Variants in FAXC observed in about 807,000 individuals in gnomAD.
FAXC encodes the protein failed axon connections homolog.
In FAXC, 10 loss-of-function variants were observed where a neutral mutation model predicts 41.9. The ratio of observed to expected loss-of-function variants is 0.24; its 90% CI spans 0.15 to 0.41. FAXC has a LOEUF of 0.41. Ranked by LOEUF, FAXC falls within the 10% of genes least tolerant of loss-of-function variation. The pLI is 1.00. For synonymous variants in FAXC, 183 were observed against 183.8 expected (o/e 1.00, Z 0.03); for missense variants, 399 against 510.9 (o/e 0.78, Z 2.11).
At chr6:99,335,106 C>T (rs1331212164) in intron 2 of FAXC, among the ~76,000 whole-genome samples, 1 of 152,322 alleles carries the variant, frequency 6.6e-6, no homozygotes, top group Admixed American at 6.5e-5. Flanking sequence ...CTCTGTGCTT[C>T]CACTGTATGG....
rs752302763 is a variant in FAXC, at chr6:99,273,597, C to T, written c.*7567G>A. 44 of 150,524 alleles carry T rather than the reference C, an allele frequency of 2.9e-4. No homozygotes were observed. The highest frequency in any genetic ancestry group is 5.6e-4 in the Non-Finnish European group (38 of 67,756). The allele number at this position is 150,524 out of a possible 1,614,324, so 9.3% of individuals were successfully genotyped here. On this transcript the variant is annotated 3_prime_UTR_variant, in exon 6 of 6. Coordinates refer to ENST00000389677, the MANE Select transcript of FAXC (RefSeq NM_032511.4). ...GTCTTAAAGGTGACATCAAATTGTT[C>T]ATCCTTCTCTTTCCCAACCAAAAAT...
At chr6:99,283,536 T>C (rs901553624) in intron 5 of FAXC, among the ~76,000 whole-genome samples, 1 of 152,152 alleles carries the variant, frequency 6.6e-6, no homozygotes, top group East Asian at 1.9e-4. Context: ...ACCCCCACTA[T>C]GTAAAAATCT....
At position 99,349,117 on chromosome 6, in the gene FAXC, G is replaced by T; in HGVS notation, c.256C>A (p.Leu86Met). ...AAAAYLLHEL[L>M]VIRKQQEIDS... Reference sequence around the variant, plus strand: ...CTCTCTCCGGCTCACCTAATGACCAGGAGTTCGTGGAGCAGATACGCAGCT... The same window carrying T: ...CTCTCTCCGGCTCACCTAATGACCATGAGTTCGTGGAGCAGATACGCAGCT... The change falls in exon 1 of 6, where the codon CTG (leucine) becomes ATG (methionine). Residue 86 changes from leucine (L) to methionine (M), a missense_variant. Leu to Met is a conservative substitution (Grantham distance 15). Around this residue, in one of 3 missense-constraint regions of FAXC, gnomAD observed 239 missense variants for 352.7 expected, o/e 0.68. Transcript: ENST00000389677. 4 of 1,613,558 alleles carry T rather than the reference G, an allele frequency of 2.5e-6. No homozygotes were observed. Among genetic ancestry groups the T allele is most frequent in the Non-Finnish European group, 3.4e-6 (4 of 1,179,958 alleles).
chr6:99,345,707 G>A (rs1289441660), intron 1 of FAXC, among the ~76,000 whole-genome samples: 1 of 152,138 alleles, frequency 6.6e-6, no homozygotes, highest in Non-Finnish European at 1.5e-5. Flanking sequence ...ATGTTGATTC[G>A]CCAACTAAAT....
intron 5 of FAXC, among the ~76,000 whole-genome samples, chr6:99,282,921 C>T (rs1226235266): frequency 6.6e-6 from 1 of 152,196 alleles, no homozygotes; most frequent in East Asian, 1.9e-4. Flanking sequence ...TTTACATGTG[C>T]TATATAGGAT....
intron 2 of FAXC, 63 bp downstream of exon 2, chr6:99,342,835 T>C: frequency 6.8e-7 from 1 of 1,479,576 alleles, no homozygotes; most frequent in Non-Finnish European, 9.1e-7. Context: ...TTCCCCCCTT[T>C]AGTTAAATAC....
chr6:99,297,221 G>A (rs1446983379), intron 4 of FAXC, among the ~76,000 whole-genome samples: 1 of 152,170 alleles, frequency 6.6e-6, no homozygotes, highest in African/African-American at 2.4e-5. Context: ...TTGACCAGGA[G>A]ATAAGGGACA....
chr6:99,342,054 G>C (rs1773446173), intron 2 of FAXC, among the ~76,000 whole-genome samples: 1 of 152,184 alleles, frequency 6.6e-6, no homozygotes, highest in South Asian at 2.1e-4. Context: ...GCATTACTCA[G>C]AGAGAAATAT....
intron 2 of FAXC, among the ~76,000 whole-genome samples, chr6:99,340,813 T>C (rs989976013): frequency 4.0e-5 from 6 of 151,562 alleles, no homozygotes; most frequent in Non-Finnish European, 7.4e-5. Context: ...GGATTACAGG[T>C]ACACACCACC....
intron 3 of FAXC, among the ~76,000 whole-genome samples, chr6:99,328,801 T>G (rs1466990947): frequency 6.6e-6 from 1 of 152,242 alleles, no homozygotes; most frequent in Non-Finnish European, 1.5e-5. Context: ...CCTTGATGTC[T>G]GCCTCCAGCC....
rs1376469929 is a variant in FAXC at position 99,333,545 on chromosome 6, G to A, written c.405C>T (p.Asn135=). The change falls in exon 3 of 6, where the codon AAC becomes AAT. Residue 135 remains asparagine (N), a splice_region_variant and synonymous_variant. Coordinates refer to ENST00000389677, the MANE Select transcript of FAXC (RefSeq NM_032511.4). ...GAGCAGAGAGTTTTCCACCAAAATA[G>A]TTCTAAGCAGAGTACATTTTTAAAA... ...YLRMADLPYQ[N]YFGGKLSAQG... is the part of the protein sequence containing the mutation. 8.8e-6 allele frequency: 14 copies of A among 1,596,756 alleles called. No homozygotes were observed. The highest frequency in any genetic ancestry group is 1.2e-5 in the Non-Finnish European group (14 of 1,173,898).
chr6:99,331,879 T>C (rs1416267741), intron 3 of FAXC, among the ~76,000 whole-genome samples: 1 of 152,234 alleles, frequency 6.6e-6, no homozygotes, highest in African/African-American at 2.4e-5. Flanking sequence ...CTGGAAGCTA[T>C]GCATGTCAGA....
intron 1 of FAXC, among the ~76,000 whole-genome samples, chr6:99,344,116 G>A (rs572930449): frequency 1.1e-4 from 16 of 152,290 alleles, no homozygotes; most frequent in East Asian, 9.7e-4. Flanking sequence ...CACCTGAAGA[G>A]TGAGGACAGT....
intron 4 of FAXC, among the ~76,000 whole-genome samples, chr6:99,306,085 G>A (rs956569848): frequency 2.0e-5 from 3 of 152,104 alleles, no homozygotes; most frequent in African/African-American, 7.2e-5. Flanking sequence ...AGGCCTCTCT[G>A]TGGAAGCGCT....
chr6:99,333,708 T>C (rs1423868106), intron 2 of FAXC, among the ~76,000 whole-genome samples, 161 bp from the exon 3 acceptor site: 1 of 152,150 alleles, frequency 6.6e-6, no homozygotes, highest in Non-Finnish European at 1.5e-5. Flanking sequence ...ACATGGTTAC[T>C]TCAGGAAAAA....
intron 1 of FAXC, among the ~76,000 whole-genome samples, chr6:99,345,912 A>C: frequency 6.6e-6 from 1 of 152,242 alleles, no homozygotes; most frequent in East Asian, 1.9e-4. Context: ...TGGTGCTAAA[A>C]AACATGGATA....
intron 5 of FAXC, among the ~76,000 whole-genome samples, chr6:99,289,799 G>A (rs1276551047): frequency 6.6e-5 from 10 of 151,306 alleles, no homozygotes; most frequent in African/African-American, 9.7e-5. Flanking sequence ...TACCTTAAAC[G>A]TGCTCAGAAC....
intron 4 of FAXC, among the ~76,000 whole-genome samples, chr6:99,311,109 C>T (rs1772137284): frequency 6.6e-6 from 1 of 152,228 alleles, no homozygotes; most frequent in Non-Finnish European, 1.5e-5. Flanking sequence ...TAGAGTAGTG[C>T]TGTAAACACG....
rs575663370 is a variant in FAXC, at chr6:99,294,284, C to T, written c.824-2464G>A. On this transcript the variant is annotated intron_variant, in intron 4 of 5. Coordinates refer to ENST00000389677, the MANE Select transcript of FAXC (RefSeq NM_032511.4). ...ATAAGAAGCAACTCCTAAGGTGTTACTCCTGAGGGTGCATCCCGCTGGCGC... is the reference window on the plus strand; with the variant it reads ...ATAAGAAGCAACTCCTAAGGTGTTATTCCTGAGGGTGCATCCCGCTGGCGC... 3.7e-4 allele frequency among the ~76,000 whole-genome samples: 57 copies of T among 152,362 alleles called. 1 individual carries two copies. The South Asian group carries it at 0.011, about 29-fold the overall frequency.
Sources: gnomAD v4.1 joint callset for allele counts (sites outside exome capture counted in the v4.1 genomes callset) on GRCh38, gnomAD v4.1.1 for gene constraint, gnomAD v4.1.1 regional missense constraint, MANE v1.5 for transcripts, NCBI Gene and HGNC (gene_info 2026-07-23, HGNC 2026-07-21) for gene names.